IQGAP3: variants seen among roughly 807,000 people sequenced by gnomAD.
IQGAP3 encodes ras GTPase-activating-like protein IQGAP3.
A neutral mutation model predicts 208.2 loss-of-function variants in IQGAP3; 165 were observed. The observed-to-expected ratio is 0.79, with a 90% confidence interval of 0.70 to 0.90. The LOEUF is 0.90. Ranked by LOEUF, IQGAP3 falls within the 40% of genes least tolerant of loss-of-function variation. The pLI is 0.00. For missense variants in IQGAP3, 1,811 were observed against 2,043.1 expected, an observed-to-expected ratio of 0.89 and a Z score of 2.19; for synonymous variants, 703 against 803.6, an observed-to-expected ratio of 0.87 and a Z score of 2.12.
chr1:156,550,437 T>TGCAG lies in IQGAP3; in HGVS notation c.1735-90_1735-87dup, dbSNP rs145611657. The TGCAG allele has an allele frequency of 1.2e-3, 1,103 of 939,336 alleles. 8 individuals carry two copies. The African/African-American group carries it at 0.016, about 14-fold the overall frequency. The allele number at this position is 939,336 out of a possible 1,614,324, so 58.2% of individuals were successfully genotyped here. A position where few individuals can be genotyped will look rare whatever the true frequency, so the allele number is the denominator to read the frequency against. Reference sequence around the variant, plus strand: ...GCCAAGATGCCCAAGGGAACCAAACTGCAGGCAGGCATTGGGAGCCACAGG... The same window carrying TGCAG: ...GCCAAGATGCCCAAGGGAACCAAACTGCAGGCAGGCAGGCATTGGGAGCCACAGG... On this transcript the variant is annotated intron_variant, in intron 15 of 37. Coordinates refer to ENST00000361170, the MANE Select transcript of IQGAP3 (RefSeq NM_178229.5).
In IQGAP3 at chr1:156,544,469, G is replaced by A. The variant is rs1078890; in HGVS notation, c.2308C>T (p.His770Tyr). The A allele has an allele frequency of 2.4e-3, 3,864 of 1,613,524 alleles. 25 individuals are homozygous for A. The highest frequency in any genetic ancestry group is 8.4e-3 in the South Asian group (762 of 91,064). ...TTCCGCTGCCTATAACCCCGCCAAT[G>A]AGCCTGCACATCAGGAGAGAAAGGG... is the stretch of plus-strand genomic sequence containing the variant. ...WLPAVIKIQA[H>Y]WRGYRQRKIY... Residue 770 changes from histidine to tyrosine, a missense_variant, in exon 20 of 38, where the codon CAT (histidine) becomes TAT (tyrosine). Coordinates refer to ENST00000361170, the MANE Select transcript of IQGAP3 (RefSeq NM_178229.5).
At position 156,525,935 on chromosome 1, in the gene IQGAP3, C is replaced by T. The variant is rs956800686; in HGVS notation, c.*551G>A. 9.0e-5 allele frequency: 14 copies of T among 155,022 alleles called. No individual in the cohort carries two copies. The highest frequency in any genetic ancestry group is 8.2e-4 in the Admixed American group (13 of 15,950). 9.6% of individuals were successfully genotyped at this position (155,022 alleles called of 1,614,324 possible). A position where few individuals can be genotyped will look rare whatever the true frequency, so the allele number is the denominator to read the frequency against. ...GGGGGGCAACAGTGCCACAATGCCACATGGGCACTAACACACACTGCATCC... is the reference window on the plus strand; with the variant it reads ...GGGGGGCAACAGTGCCACAATGCCATATGGGCACTAACACACACTGCATCC... On this transcript the variant is annotated 3_prime_UTR_variant, in exon 38 of 38. Coordinates refer to ENST00000361170, the MANE Select transcript of IQGAP3 (RefSeq NM_178229.5).
intron 4 of IQGAP3, 107 bp from the exon 5 acceptor site, chr1:156,564,798 G>C (rs1676328098): frequency 1.3e-6 from 1 of 781,364 alleles, no homozygotes; most frequent in Non-Finnish European, 2.3e-6. Context: ...TGAGGTGTGT[G>C]TTCCCTTGTT....
chr1:156,528,458 C>T (rs1387486954), intron 36 of IQGAP3, 51 bp downstream of exon 36: 2 of 1,375,404 alleles, frequency 1.5e-6, no homozygotes, highest in African/African-American at 1.4e-5. Flanking sequence ...GCTCCACCCC[C>T]AGGTTAGAGG....
chr1:156,527,283 C>T (rs1177028683), intron 37 of IQGAP3, among the ~76,000 whole-genome samples: 2 of 151,508 alleles, frequency 1.3e-5, no homozygotes, highest in Non-Finnish European at 3.0e-5. Flanking sequence ...AGTTCAAGAC[C>T]AGCCTGACCA....
At chr1:156,530,023 C>T (rs1323790970) in intron 34 of IQGAP3, 82 bp downstream of exon 34, 2 of 1,179,800 alleles carry the variant, frequency 1.7e-6, no homozygotes, top group Admixed American at 2.0e-5. Flanking sequence ...AGGGGCCCAC[C>T]AACACTATGG....
At position 156,563,205 on chromosome 1, in the gene IQGAP3, G is replaced by C. The variant is rs758569136; in HGVS notation, c.727C>G (p.Pro243Ala). 2.1e-5 allele frequency: 34 copies of C among 1,613,040 alleles called. No individual in the cohort carries two copies. In the South Asian group the frequency reaches 3.7e-4, roughly 18 times the overall value. The change falls in exon 8 of 38, where the codon CCT (proline) becomes GCT (alanine). Residue 243 changes from proline to alanine, a missense_variant. By Grantham distance (27) the Pro-to-Ala change is conservative (BLOSUM62 -1). Coordinates refer to ENST00000361170, the MANE Select transcript of IQGAP3 (RefSeq NM_178229.5). ...PSALLENLRE[P>A]LAAVYQEMLA... ...ATCTCTTGGTAGACGGCTGCCAGAG[G>C]CTCTCGGAGATTCTCCAGAAGAGCA...
intron 20 of IQGAP3, 36 bp downstream of exon 20, chr1:156,544,353 T>C (rs1476860181): frequency 6.3e-7 from 1 of 1,586,676 alleles, no homozygotes; most frequent in East Asian, 2.2e-5. Context: ...GACGGTCCTT[T>C]GAGAGAAAGG....
At position 156,550,332 on chromosome 1, in the gene IQGAP3, GC is replaced by G; in HGVS notation, c.1753del (p.Ala585LeufsTer48). On this transcript the variant is annotated frameshift_variant, in exon 16 of 38. Transcript: ENST00000361170. LOFTEE classifies it high-confidence loss of function. ...GCGGATCTCCTCAAGCCACAGCACA[GC>G]TCCAGGATCCCCTGTCACCTGGCAG... ...QKAQVTGDPG[A>X]VLWLEEIRQG... 6.2e-7 allele frequency: 1 copy of G among 1,613,740 alleles called. No individual in the cohort carries two copies. Among genetic ancestry groups the G allele is most frequent in the Admixed American group, 1.7e-5 (1 of 60,004 alleles).
At chr1:156,527,823 C>T (rs1020248829) in intron 37 of IQGAP3, 129 bp downstream of exon 37, 40 of 645,576 alleles carry the variant, frequency 6.2e-5, no homozygotes, top group South Asian at 6.1e-4. Context: ...CAGGAACAGA[C>T]GATACTGATT....
intron 19 of IQGAP3, 88 bp downstream of exon 19, chr1:156,547,985 C>A: frequency 8.1e-7 from 1 of 1,227,644 alleles, no homozygotes; most frequent in Non-Finnish European, 1.1e-6. Context: ...AAAGGTCATT[C>A]CCATGTCAGT....
chr1:156,538,916 C>T lies in IQGAP3; in HGVS notation c.3174G>A (p.Lys1058=), dbSNP rs771409196. Residue 1058 remains lysine, a synonymous_variant, in exon 26 of 38, where the codon AAG becomes AAA. Transcript: ENST00000361170. ...GQSALQEILG[K]VIQDVLEDKV... ...TGTCTTCTAGCACATCCTGGATAAC[C>T]TTGCCCAGAATCTCCTGCAGGGCAC... is the stretch of plus-strand genomic sequence containing the variant. 1 of 1,614,040 alleles carries T rather than the reference C, an allele frequency of 6.2e-7. No homozygotes were observed.
chr1:156,563,890 G>C, intron 5 of IQGAP3, 66 bp from the exon 6 acceptor site: 9 of 1,307,728 alleles, frequency 6.9e-6, no homozygotes, highest in Non-Finnish European at 9.8e-6. Flanking sequence ...TGCCCACGAT[G>C]GGTTTGAAGG....
At chr1:156,529,929 A>G (rs1301801609) in intron 34 of IQGAP3, among the ~76,000 whole-genome samples, 176 bp downstream of exon 34, 3 of 145,826 alleles carry the variant, frequency 2.1e-5, no homozygotes, top group Non-Finnish European at 4.4e-5. Context: ...AAAAAAAAAA[A>G]AAAAAGAAAA....
At chr1:156,550,816 T>C (rs1005288580) in intron 15 of IQGAP3, among the ~76,000 whole-genome samples, 3 of 152,096 alleles carry the variant, frequency 2.0e-5, no homozygotes, top group African/African-American at 7.2e-5. Context: ...CTTTTCTTGC[T>C]CCACACTCCT....
chr1:156,542,968 TA>T (rs112732808), intron 22 of IQGAP3, among the ~76,000 whole-genome samples: 47 of 143,592 alleles, frequency 3.3e-4, no homozygotes, highest in Admixed American at 3.5e-4. Context: ...AATAATCAAT[TA>T]AAAAAAAAAA....
At chr1:156,551,904 T>A in intron 14 of IQGAP3, 36 bp from the exon 15 acceptor site, 1 of 1,597,950 alleles carries the variant, frequency 6.3e-7, no homozygotes, top group Non-Finnish European at 8.5e-7. Flanking sequence ...AGGGGGCCCC[T>A]AGACTTAATG....
At position 156,566,507 on chromosome 1, in the gene IQGAP3, CG is replaced by C; in HGVS notation, c.164del (p.Pro55ArgfsTer17). ...TCCGAAGGCTCTCCTCCAGCTCCACCGGGGAAGGAAGCTCCTCCTTCAGGCA... is the reference window on the plus strand; with the variant it reads ...TCCGAAGGCTCTCCTCCAGCTCCACCGGGAAGGAAGCTCCTCCTTCAGGCA... ...EACLKEELPS[P>X]VELEESLRNG... On this transcript the variant is annotated frameshift_variant, in exon 3 of 38. Transcript: ENST00000361170. LOFTEE classifies it high-confidence loss of function. 6.2e-7 allele frequency: 1 copy of C among 1,614,136 alleles called. No homozygotes were observed. Among genetic ancestry groups the C allele is most frequent in the Non-Finnish European group, 8.5e-7 (1 of 1,180,020 alleles).
intron 27 of IQGAP3, among the ~76,000 whole-genome samples, chr1:156,536,531 C>T (rs1316653385): frequency 6.6e-6 from 1 of 152,064 alleles, no homozygotes; most frequent in African/African-American, 2.4e-5. Flanking sequence ...AAGTTACATC[C>T]AGGTAGAAAG....
Sources: allele counts gnomAD v4.1 joint callset (sites outside exome capture counted in the v4.1 genomes callset), GRCh38; gene constraint gnomAD v4.1.1; transcripts MANE v1.5; gene names NCBI Gene and HGNC (gene_info 2026-07-23, HGNC 2026-07-21).